Variants in RELCH observed in about 807,000 individuals in gnomAD.
RELCH encodes the protein RAB11 binding and LisH domain, coiled-coil and HEAT repeat containing, also known as RAB11-binding protein RELCH.
In RELCH, 41 loss-of-function variants were observed where a neutral mutation model predicts 150.3. The ratio of observed to expected loss-of-function variants is 0.27; its 90% CI spans 0.21 to 0.35. The LOEUF (loss-of-function observed/expected upper bound fraction) is 0.35. Among genes scored for constraint, RELCH ranks in the 10% least tolerant of loss-of-function variants. The probability of loss-of-function intolerance (pLI) is 1.00; values close to 1 mark genes in which losing one functional copy is unlikely to be tolerated. For missense variants in RELCH, 1,092 were observed against 1,467.8 expected, an observed-to-expected ratio of 0.74 and a Z score of 4.18; for synonymous variants, 478 against 531.8, an observed-to-expected ratio of 0.90 and a Z score of 1.39.
At chr18:62,252,224 C>G (rs2042750445) in intron 11 of RELCH, among the ~76,000 whole-genome samples, 2 of 149,444 alleles carry the variant, frequency 1.3e-5, no homozygotes, top group African/African-American at 4.9e-5. Context: ...CGGTCTCTAT[C>G]TCCTGACCTC....
At chr18:62,220,948 C>T (rs1259067290) in intron 2 of RELCH, 89 bp from the exon 3 acceptor site, 4 of 982,166 alleles carry the variant, frequency 4.1e-6, no homozygotes, top group Non-Finnish European at 4.8e-6. Flanking sequence ...ATTTTTTTTT[C>T]ATACCCATCC....
At chr18:62,260,736 C>T (rs1190384830) in intron 15 of RELCH, among the ~76,000 whole-genome samples, 1 of 151,698 alleles carries the variant, frequency 6.6e-6, no homozygotes, top group Non-Finnish European at 1.5e-5. Flanking sequence ...ATTATTCAGC[C>T]ATTAAAAAAA....
At position 62,261,604 on chromosome 18, in the gene RELCH, A is replaced by C; in HGVS notation, c.2296A>C (p.Asn766His). 4 of 1,611,576 alleles carry C rather than the reference A, an allele frequency of 2.5e-6. No homozygotes were observed. Among genetic ancestry groups the C allele is most frequent in the Non-Finnish European group, 3.4e-6 (4 of 1,178,566 alleles). ...IPSLFALVLQ[N>H]APFSSKAKLH... ...ATCTCTCTTTGCATTAGTGCTACAGAATGCACCTTTCTCCAGCAAAGCCAA... is the reference window on the plus strand; with the variant it reads ...ATCTCTCTTTGCATTAGTGCTACAGCATGCACCTTTCTCCAGCAAAGCCAA... Residue 766 changes from asparagine (N) to histidine (H), a missense_variant, in exon 16 of 29, where the codon AAT becomes CAT. Around this residue, in one of 4 missense-constraint regions of RELCH, gnomAD observed 707 missense variants for 1,025.4 expected, o/e 0.69. Coordinates refer to ENST00000644646, the MANE Select transcript of RELCH (RefSeq NM_001346231.2).
intron 11 of RELCH, among the ~76,000 whole-genome samples, chr18:62,247,874 G>A (rs1196226412): frequency 6.6e-6 from 1 of 152,020 alleles, no homozygotes. Context: ...AATAAAGCAC[G>A]GTATTCACTG....
chr18:62,255,266 A>T lies in RELCH; in HGVS notation c.1825-141A>T, dbSNP rs983824567. 1.5e-5 allele frequency: 10 copies of T among 679,804 alleles called. No homozygotes were observed. In the East Asian group the frequency reaches 2.2e-4, roughly 15 times the overall value. 42.1% of individuals were successfully genotyped at this position (679,804 alleles called of 1,614,324 possible). A position where few individuals can be genotyped will look rare whatever the true frequency, so the allele number is the denominator to read the frequency against. ...ACTCCCTCATTCCCGATCCAGGTAT[A>T]GTCAAACAGGGATTCCCAGAAGTGG... is the stretch of plus-strand genomic sequence containing the variant. On this transcript the variant is annotated intron_variant, in intron 12 of 28. Transcript: ENST00000644646.
At chr18:62,213,631 G>A (rs2040305328) in intron 2 of RELCH, among the ~76,000 whole-genome samples, 1 of 148,360 alleles carries the variant, frequency 6.7e-6, no homozygotes, top group African/African-American at 2.5e-5. Flanking sequence ...TCAGGAGGCT[G>A]AGACAGGAGA....
At chr18:62,220,138 T>C (rs2040757982) in intron 2 of RELCH, among the ~76,000 whole-genome samples, 2 of 152,108 alleles carry the variant, frequency 1.3e-5, no homozygotes, top group African/African-American at 4.8e-5. Flanking sequence ...TCTGTGATAA[T>C]AGGAGAAATC....
chr18:62,249,944 C>T (rs924147000), intron 11 of RELCH, among the ~76,000 whole-genome samples: 4 of 152,006 alleles, frequency 2.6e-5, no homozygotes, highest in East Asian at 3.9e-4. Context: ...CTGCTTTGAT[C>T]GTATCCCGAG....
At chr18:62,241,441 C>T (rs2042143677) in intron 10 of RELCH, among the ~76,000 whole-genome samples, 1 of 151,972 alleles carries the variant, frequency 6.6e-6, no homozygotes, top group South Asian at 2.1e-4. Context: ...AATGCAAACA[C>T]ATAAGTTTTA....
chr18:62,278,530 T>C (rs765846320), intron 22 of RELCH, among the ~76,000 whole-genome samples: 12 of 152,138 alleles, frequency 7.9e-5, no homozygotes, highest in Non-Finnish European at 1.5e-4. Flanking sequence ...ATGTGTTATA[T>C]AGGAGGAATA....
At chr18:62,199,954 G>A (rs551125615) in intron 1 of RELCH, among the ~76,000 whole-genome samples, 59 of 142,494 alleles carry the variant, frequency 4.1e-4, no homozygotes, top group Non-Finnish European at 6.6e-4. Flanking sequence ...CAAAAAGAAT[G>A]TTAATAATAA....
intron 5 of RELCH, among the ~76,000 whole-genome samples, chr18:62,226,621 A>G (rs17069626): frequency 0.098 from 14,917 of 152,078 alleles, 866 homozygotes; most frequent in East Asian, 0.19. Flanking sequence ...AACATGTTTT[A>G]TGATGTCATG....
chr18:62,198,889 A>G (rs1365348293), intron 1 of RELCH, among the ~76,000 whole-genome samples: 2 of 152,050 alleles, frequency 1.3e-5, no homozygotes, highest in East Asian at 1.9e-4. Context: ...AAAGTATAAA[A>G]GTGACTTTAA....
intron 12 of RELCH, 42 bp from the exon 13 acceptor site, chr18:62,255,365 G>T (rs749703721): frequency 5.7e-5 from 70 of 1,233,142 alleles, no homozygotes; most frequent in Admixed American, 3.0e-4. Context: ...GGAAGGGAGG[G>T]TATGCTGTTT....
rs370367255 is a variant in RELCH, at chr18:62,298,868, A to G, written c.3530+8A>G. 1.5e-5 allele frequency: 23 copies of G among 1,511,072 alleles called. No homozygotes were observed. Among genetic ancestry groups the G allele is most frequent in the African/African-American group, 2.8e-5 (2 of 71,646 alleles). 93.6% of individuals were successfully genotyped at this position (1,511,072 alleles called of 1,614,324 possible). On this transcript the variant is annotated splice_region_variant and intron_variant, in intron 28 of 28. Coordinates refer to ENST00000644646, the MANE Select transcript of RELCH (RefSeq NM_001346231.2). ...CGTCCAAGAGCCTCAAGGGTAAGAC[A>G]TTAATTCTTTTTTTAAGGCTACATG...
At chr18:62,211,914 C>CA (rs1453956319) in intron 2 of RELCH, among the ~76,000 whole-genome samples, 2 of 151,770 alleles carry the variant, frequency 1.3e-5, no homozygotes, top group Non-Finnish European at 2.9e-5. Context: ...TGCTATGATC[C>CA]AAAAAAAAGA....
At position 62,278,531 on chromosome 18, in the gene RELCH, AGGAG is replaced by A. The variant is rs560811140; in HGVS notation, c.2968-1241_2968-1238del. On this transcript the variant is annotated intron_variant, in intron 22 of 28. Coordinates refer to ENST00000644646, the MANE Select transcript of RELCH (RefSeq NM_001346231.2). ...AGTTACTTTCTCTGATGTGTTATAT[AGGAG>A]GAATACCTTCACATATGTACACAAT... Among the ~76,000 whole-genome samples the A allele has an allele frequency of 6.2e-4, 94 of 152,138 alleles. 1 individual carries two copies. Among genetic ancestry groups the A allele is most frequent in the Non-Finnish European group, 1.0e-3 (69 of 67,998 alleles).
At position 62,193,067 on chromosome 18, in the gene RELCH, C is replaced by A. The variant is rs141920782; in HGVS notation, c.526+5036C>A. On this transcript the variant is annotated intron_variant, in intron 1 of 28. Transcript: ENST00000644646. ...CCTTTAACAGTGGTTTGTAGTTCTC[C>A]TTGAAGAGGTGCTTCACTTCCTTTG... Among the ~76,000 whole-genome samples, 341 of 152,204 alleles carry A rather than the reference C, an allele frequency of 2.2e-3. 4 individuals are homozygous for A. Among genetic ancestry groups the A allele is most frequent in the African/African-American group, 7.9e-3 (327 of 41,516 alleles).
chr18:62,276,003 T>C (rs2044190174), intron 22 of RELCH, among the ~76,000 whole-genome samples: 1 of 152,162 alleles, frequency 6.6e-6, no homozygotes, highest in Non-Finnish European at 1.5e-5. Context: ...GACCAGGTAA[T>C]TTACCTAAAT....
Sources: allele counts gnomAD v4.1 joint callset (sites outside exome capture counted in the v4.1 genomes callset), GRCh38; gene constraint gnomAD v4.1.1; regional missense constraint gnomAD v4.1.1; transcripts MANE v1.5; gene names NCBI Gene and HGNC (gene_info 2026-07-23, HGNC 2026-07-21).